The following DGLUCY variants were observed in gnomAD, a reference collection of about 807,000 sequenced individuals.
The protein encoded by DGLUCY is D-glutamate cyclase, also known as D-glutamate cyclase, mitochondrial.
In DGLUCY, 58 loss-of-function variants were observed where a neutral mutation model predicts 58.5. That is an observed-to-expected ratio of 0.99 (90% confidence interval 0.80 to 1.23). The LOEUF (loss-of-function observed/expected upper bound fraction) is 1.23. DGLUCY is among the 50% of genes most tolerant of loss of function. The probability of loss-of-function intolerance (pLI) is 0.00; values close to 1 mark genes in which losing one functional copy is unlikely to be tolerated. For missense variants in DGLUCY, 779 were observed against 784.7 expected (o/e 0.99, Z 0.09); for synonymous variants, 325 against 314.1 (o/e 1.03, Z -0.37).
Position 91,199,825 on chromosome 14 carries a change from A to G in DGLUCY, c.1364A>G (p.Lys455Arg), listed in dbSNP as rs1157401482. 5 of 1,614,092 alleles carry G rather than the reference A, an allele frequency of 3.1e-6. No homozygotes were observed. Among genetic ancestry groups the G allele is most frequent in the Non-Finnish European group, 4.2e-6 (5 of 1,180,048 alleles). ...GATGGCAATTACTACAATGCAAGGA[A>G]GATGAACATCAAGCACTTGGTTGAC... is the stretch of plus-strand genomic sequence containing the variant. ...AADGNYYNAR[K>R]MNIKHLVDPI... The change falls in exon 11 of 14, where the codon AAG becomes AGG. Residue 455 changes from lysine to arginine, a missense_variant. Coordinates refer to ENST00000256324, the MANE Select transcript of DGLUCY (RefSeq NM_001102368.3).
rs866670943 is a variant in DGLUCY at position 91,096,354 on chromosome 14, G to A, written c.-82+35650G>A. Among the ~76,000 whole-genome samples, 64 of 151,812 alleles carry A rather than the reference G, an allele frequency of 4.2e-4. 1 individual carries two copies. Among genetic ancestry groups the A allele is most frequent in the South Asian group, 2.1e-4 (1 of 4,790 alleles). On this transcript the variant is annotated intron_variant, in intron 1 of 4. Transcript: ENST00000521334. ...GCTTGATTGCTTGAAGCTGGGAGGCGGAGGTTGCAGTGAGCCAAGATTGTG... is the reference window on the plus strand; with the variant it reads ...GCTTGATTGCTTGAAGCTGGGAGGCAGAGGTTGCAGTGAGCCAAGATTGTG...
intron 7 of DGLUCY, among the ~76,000 whole-genome samples, chr14:91,178,738 A>G (rs1337045875): frequency 1.3e-5 from 2 of 152,224 alleles, no homozygotes; most frequent in African/African-American, 2.4e-5. Context: ...TCTATTAAAT[A>G]TGAAACTTTA....
intron 1 of DGLUCY, among the ~76,000 whole-genome samples, chr14:91,081,022 C>T (rs2013914): frequency 0.28 from 43,092 of 151,898 alleles, 6,204 homozygotes; most frequent in Middle Eastern, 0.32. Context: ...GCCAACGTGA[C>T]GAAACCCTGT....
At chr14:91,178,028 G>A (rs1278352245) in intron 7 of DGLUCY, among the ~76,000 whole-genome samples, 1 of 152,248 alleles carries the variant, frequency 6.6e-6, no homozygotes, top group Non-Finnish European at 1.5e-5. Flanking sequence ...CGTGGCAGGT[G>A]CCCTGCAGAG....
At chr14:91,124,586 T>A (rs1414458884) in intron 1 of DGLUCY, among the ~76,000 whole-genome samples, 3 of 152,244 alleles carry the variant, frequency 2.0e-5, no homozygotes, top group Non-Finnish European at 4.4e-5. Flanking sequence ...GAAAGTGTCC[T>A]GTTACACAGG....
intron 1 of DGLUCY, among the ~76,000 whole-genome samples, chr14:91,090,068 A>G (rs889928046): frequency 1.3e-5 from 2 of 152,108 alleles, no homozygotes; most frequent in African/African-American, 4.8e-5. Context: ...GAAGGAGGAA[A>G]CATCTGACTG....
chr14:91,208,621 C>T (rs967610693), intron 12 of DGLUCY, among the ~76,000 whole-genome samples: 6 of 152,224 alleles, frequency 3.9e-5, no homozygotes, highest in South Asian at 2.1e-4. Flanking sequence ...TGGTGGTGGA[C>T]GCCTATAGTC....
At chr14:91,106,083 G>A (rs1278984342), upstream of DGLUCY, among the ~76,000 whole-genome samples, 1 of 152,058 alleles carries the variant, frequency 6.6e-6, no homozygotes, top group Non-Finnish European at 1.5e-5. Context: ...TGAGGCGGAT[G>A]GATCACCTGA....
intron 1 of DGLUCY, among the ~76,000 whole-genome samples, chr14:91,156,135 A>G (rs1364368198): frequency 6.8e-6 from 1 of 146,574 alleles, no homozygotes; most frequent in Non-Finnish European, 1.5e-5. Context: ...TTTTTTTGAG[A>G]TGGAGTCTCG....
chr14:91,102,566 T>G (rs2044505981), intron 1 of DGLUCY, among the ~76,000 whole-genome samples: 1 of 152,066 alleles, frequency 6.6e-6, no homozygotes, highest in Admixed American at 6.6e-5. Context: ...AGAGGAGCAG[T>G]GGTGTCCACG....
chr14:91,208,359 T>TTA (rs1885102283), intron 12 of DGLUCY, among the ~76,000 whole-genome samples: 1 of 152,192 alleles, frequency 6.6e-6, no homozygotes, highest in Non-Finnish European at 1.5e-5. Flanking sequence ...ATCAGTTTGC[T>TTA]CAAAATAATA....
At chr14:91,223,931 T>C (rs1887860501) in intron 13 of DGLUCY, 1 of 263,138 alleles carries the variant, frequency 3.8e-6, no homozygotes, top group Non-Finnish European at 7.7e-6. Flanking sequence ...AGTCAGACCT[T>C]TCTGATCCCC....
chr14:91,158,323 C>G (rs1350663390), intron 2 of DGLUCY, among the ~76,000 whole-genome samples: 1 of 152,180 alleles, frequency 6.6e-6, no homozygotes, highest in South Asian at 2.1e-4. Flanking sequence ...CCCAGCACCC[C>G]CTCCCACTAG....
At chr14:91,188,682 T>C (rs143974081) in intron 8 of DGLUCY, among the ~76,000 whole-genome samples, 17 of 151,928 alleles carry the variant, frequency 1.1e-4, no homozygotes, top group Non-Finnish European at 2.2e-4. Flanking sequence ...CAAAAAAAAT[T>C]AGCGGGCTGT....
At chr14:91,093,247 C>T (rs1296669136) in intron 1 of DGLUCY, among the ~76,000 whole-genome samples, 5 of 151,892 alleles carry the variant, frequency 3.3e-5, no homozygotes, top group East Asian at 1.9e-4. Context: ...TGCTTTTGGT[C>T]GCTTTACATG....
chr14:91,200,946 A>G (rs1350672617), intron 11 of DGLUCY, among the ~76,000 whole-genome samples: 1 of 151,338 alleles, frequency 6.6e-6, no homozygotes, highest in Admixed American at 6.6e-5. Context: ...CTCACAAAGT[A>G]CATTCTCAAG....
chr14:91,061,466 G>A (rs6575172), intron 1 of DGLUCY, among the ~76,000 whole-genome samples: 151,144 of 152,358 alleles, frequency 0.99, 74,983 homozygotes, highest in East Asian at 1. Flanking sequence ...ATCTGTGTGT[G>A]TACACAAAAG....
At chr14:91,204,985 C>A in intron 12 of DGLUCY, 160 bp downstream of exon 12, 1 of 939,928 alleles carries the variant, frequency 1.1e-6, no homozygotes, top group Non-Finnish European at 1.6e-6. Context: ...TTCATTCAGT[C>A]ATTCAACAAA....
intron 1 of DGLUCY, among the ~76,000 whole-genome samples, chr14:91,069,990 G>T (rs1463747971): frequency 6.6e-6 from 1 of 150,968 alleles, no homozygotes; most frequent in African/African-American, 2.4e-5. Context: ...GCATTTAGTT[G>T]AAAAAACTGG....
Sources: allele counts gnomAD v4.1 joint callset (sites outside exome capture counted in the v4.1 genomes callset), GRCh38; gene constraint gnomAD v4.1.1; transcripts MANE v1.5; gene names NCBI Gene and HGNC (gene_info 2026-07-23, HGNC 2026-07-21).